The following VPS13B variants were observed in gnomAD, a reference collection of about 807,000 sequenced individuals.
VPS13B encodes intermembrane lipid transfer protein VPS13B.
In VPS13B, 285 loss-of-function variants were observed where a neutral mutation model predicts 426.4. The ratio of observed to expected loss-of-function variants is 0.67; its 90% CI spans 0.61 to 0.74. The LOEUF (loss-of-function observed/expected upper bound fraction) is 0.74. Ranked by LOEUF, VPS13B falls within the 30% of genes least tolerant of loss-of-function variation. The pLI, the probability that VPS13B is intolerant of heterozygous loss-of-function variation, is 0.00. For missense variants in VPS13B, 4,537 were observed against 4,782.6 expected, an observed-to-expected ratio of 0.95 and a Z score of 1.51; for synonymous variants, 1,676 against 1,676.4, an observed-to-expected ratio of 1.00 and a Z score of 0.01.
chr8:99,378,825 A>G (rs1813638793), intron 19 of VPS13B, among the ~76,000 whole-genome samples: 1 of 152,166 alleles, frequency 6.6e-6, no homozygotes, highest in Non-Finnish European at 1.5e-5. Flanking sequence ...GTTATGGGAA[A>G]CATAAATGAC....
intron 34 of VPS13B, among the ~76,000 whole-genome samples, chr8:99,660,355 T>C (rs920562124): frequency 6.6e-6 from 1 of 152,196 alleles, no homozygotes; most frequent in South Asian, 2.1e-4. Flanking sequence ...GTAAATACTA[T>C]TCTTGAAAGC....
intron 35 of VPS13B, among the ~76,000 whole-genome samples, chr8:99,681,681 A>G (rs1831160294): frequency 6.6e-6 from 1 of 152,202 alleles, no homozygotes; most frequent in South Asian, 2.1e-4. Context: ...AAATAAATAA[A>G]TAAGTTAACA....
chr8:99,244,379 T>A (rs952703305), intron 17 of VPS13B, among the ~76,000 whole-genome samples: 3 of 152,206 alleles, frequency 2.0e-5, no homozygotes, highest in Non-Finnish European at 4.4e-5. Flanking sequence ...TATAAGCAGG[T>A]TTTAGAGTTA....
chr8:99,798,910 T>C (rs1470673014), intron 43 of VPS13B: 1 of 152,198 alleles, frequency 6.6e-6, no homozygotes, highest in African/African-American at 2.4e-5. Flanking sequence ...TATTAAAGCA[T>C]GGTATTTTGC....
At chr8:99,256,407 ATACT>A (rs1817744140) in intron 17 of VPS13B, among the ~76,000 whole-genome samples, 1 of 152,198 alleles carries the variant, frequency 6.6e-6, no homozygotes, top group African/African-American at 2.4e-5. Context: ...TTTTGGGCAC[ATACT>A]TAGAAGTACA....
chr8:99,599,579 A>G (rs923258515), intron 33 of VPS13B, among the ~76,000 whole-genome samples: 2 of 152,060 alleles, frequency 1.3e-5, no homozygotes, highest in South Asian at 4.1e-4. Flanking sequence ...CTAACAAGCA[A>G]CTTCTGGGCT....
chr8:99,348,039 C>T (rs1036799637), intron 19 of VPS13B: 2 of 152,260 alleles, frequency 1.3e-5, no homozygotes, highest in African/African-American at 4.8e-5. Context: ...TCCATAGTAT[C>T]CTGAATGCCT....
chr8:99,125,075 A>C (rs1848132311), intron 8 of VPS13B, among the ~76,000 whole-genome samples: 2 of 152,042 alleles, frequency 1.3e-5, no homozygotes, highest in African/African-American at 4.8e-5. Flanking sequence ...TATTAAGGAG[A>C]GTTGACTCAC....
rs115234677 is a variant in VPS13B, at chr8:99,076,702, A to G, written c.292-19610A>G. 3.6e-3 allele frequency among the ~76,000 whole-genome samples: 505 copies of G among 141,364 alleles called. 2 individuals carry two copies. The highest frequency in any genetic ancestry group is 0.012 in the African/African-American group (449 of 37,940). The allele number at this position is 141,364 out of a possible 152,430, so 92.7% of individuals were successfully genotyped here. A position where few individuals can be genotyped will look rare whatever the true frequency, so the allele number is the denominator to read the frequency against. On this transcript the variant is annotated intron_variant, in intron 3 of 61. Transcript: ENST00000357162. ...CTGTTTGCTTTTGTTTTTTGTTTAT[A>G]TGCAATATCTTTTTCCATTCCTGTA... is the stretch of plus-strand genomic sequence containing the variant.
At chr8:99,097,312 TAGAG>T (rs1174150357) in intron 4 of VPS13B, among the ~76,000 whole-genome samples, 1 of 152,218 alleles carries the variant, frequency 6.6e-6, no homozygotes, top group African/African-American at 2.4e-5. Flanking sequence ...ACGTGATCAT[TAGAG>T]AGCCTTTATT....
At chr8:99,164,609 A>G (rs1403882231) in intron 15 of VPS13B, among the ~76,000 whole-genome samples, 2 of 152,210 alleles carry the variant, frequency 1.3e-5, no homozygotes, top group African/African-American at 2.4e-5. Context: ...TAAGTAGAAT[A>G]TGCCTTGGCT....
chr8:99,453,138 A>G (rs915707181), intron 23 of VPS13B, among the ~76,000 whole-genome samples: 5 of 152,264 alleles, frequency 3.3e-5, no homozygotes, highest in Non-Finnish European at 5.9e-5. Context: ...TTTAGCATCT[A>G]TGAAAAACAC....
chr8:99,228,679 T>C (rs1340383651), intron 17 of VPS13B, among the ~76,000 whole-genome samples: 1 of 152,144 alleles, frequency 6.6e-6, no homozygotes, highest in Non-Finnish European at 1.5e-5. Flanking sequence ...TATCAAGAAA[T>C]TGATGGAACA....
chr8:99,585,553 C>G (rs1826261398), intron 33 of VPS13B, among the ~76,000 whole-genome samples: 1 of 152,052 alleles, frequency 6.6e-6, no homozygotes, highest in East Asian at 1.9e-4. Context: ...TAACGTAAAG[C>G]ACTATATCGG....
chr8:99,692,645 A>T, intron 35 of VPS13B, among the ~76,000 whole-genome samples: 1 of 129,106 alleles, frequency 7.7e-6, no homozygotes, highest in Non-Finnish European at 1.6e-5. Context: ...TAGAAAAGCA[A>T]GAGCAAACAC....
chr8:99,561,499 A>C (rs1824918760), intron 31 of VPS13B, among the ~76,000 whole-genome samples: 3 of 152,186 alleles, frequency 2.0e-5, no homozygotes, highest in African/African-American at 7.2e-5. Flanking sequence ...AAAAATAATA[A>C]TGCATTCAGT....
At chr8:99,782,532 A>T (rs1812071218) in intron 42 of VPS13B, among the ~76,000 whole-genome samples, 1 of 151,868 alleles carries the variant, frequency 6.6e-6, no homozygotes, top group African/African-American at 2.4e-5. Context: ...TTAAAACAGG[A>T]ATCTGGAAGT....
chr8:99,654,268 T>G (rs1829938466), intron 34 of VPS13B, among the ~76,000 whole-genome samples: 1 of 151,936 alleles, frequency 6.6e-6, no homozygotes, highest in Non-Finnish European at 1.5e-5. Context: ...AAGGATGATC[T>G]CGATCTCCTG....
At chr8:99,212,444 T>A (rs942644422) in intron 17 of VPS13B, among the ~76,000 whole-genome samples, 1 of 152,222 alleles carries the variant, frequency 6.6e-6, no homozygotes, top group Non-Finnish European at 1.5e-5. Flanking sequence ...GAAAGTGTGC[T>A]GTGAGCCTAT....
Sources: gnomAD v4.1 joint callset for allele counts (sites outside exome capture counted in the v4.1 genomes callset) on GRCh38, gnomAD v4.1.1 for gene constraint, MANE v1.5 for transcripts, NCBI Gene and HGNC (gene_info 2026-07-23, HGNC 2026-07-21) for gene names.